The following NAE1 variants were observed in gnomAD, a reference collection of about 807,000 sequenced individuals.
NAE1 encodes NEDD8-activating enzyme E1 regulatory subunit.
In NAE1, 59 loss-of-function variants were observed where a neutral mutation model predicts 88.0. The observed-to-expected ratio is 0.67, with a 90% CI of 0.54 to 0.83. The LOEUF (loss-of-function observed/expected upper bound fraction) is 0.83. Ranked by LOEUF, NAE1 falls within the 40% of genes least tolerant of loss-of-function variation. The pLI, the probability that NAE1 is intolerant of heterozygous loss-of-function variation, is 0.00. For missense variants in NAE1, 554 were observed against 632.8 expected, an observed-to-expected ratio of 0.88 and a Z score of 1.34; for synonymous variants, 186 against 208.9, an observed-to-expected ratio of 0.89 and a Z score of 0.95.
At position 66,813,829 on chromosome 16, in the gene NAE1, T is replaced by G; in HGVS notation, c.858A>C (p.Glu286Asp). 1.9e-6 allele frequency: 3 copies of G among 1,613,566 alleles called. No homozygotes were observed. Among genetic ancestry groups the G allele is most frequent in the Non-Finnish European group, 2.5e-6 (3 of 1,179,664 alleles). The change falls in exon 12 of 20, where the codon GAA (glutamate) becomes GAC (aspartate). Residue 286 changes from glutamate to aspartate, a missense_variant. Physicochemically the swap from Glu to Asp is conservative, Grantham distance 45. Coordinates refer to ENST00000290810, the MANE Select transcript of NAE1 (RefSeq NM_003905.4). ...LNTTQIPSSI[E>D]DIFNDDRCIN... ...TGCAGCGATCATCATTAAATATATC[T>G]TCAATACTGCTTGGGATCTAACAAA...
chr16:66,819,374 T>C (rs1196587397), intron 7 of NAE1, among the ~76,000 whole-genome samples: 3 of 152,216 alleles, frequency 2.0e-5, no homozygotes, highest in Non-Finnish European at 4.4e-5. Context: ...AATCTCACTC[T>C]GTACACTGCT....
intron 7 of NAE1, among the ~76,000 whole-genome samples, chr16:66,821,203 T>C (rs1055419717): frequency 6.6e-6 from 1 of 152,230 alleles, no homozygotes; most frequent in African/African-American, 2.4e-5. Context: ...GGTACTTGCA[T>C]AGTTGCTGGA....
Position 66,805,783 on chromosome 16 carries a change from A to G in NAE1, c.1489T>C (p.Leu497=). 1 of 1,499,584 alleles carries G rather than the reference A, an allele frequency of 6.7e-7. No individual in the cohort carries two copies. The highest frequency in any genetic ancestry group is 8.9e-7 in the Non-Finnish European group (1 of 1,129,490). 92.9% of individuals were successfully genotyped at this position (1,499,584 alleles called of 1,614,324 possible). A position where few individuals can be genotyped will look rare whatever the true frequency, so the allele number is the denominator to read the frequency against. Reference sequence around the variant, plus strand: ...TCTCATATATGGAACTCACCCCCCAAGAATGCAGCAATGGTATGTGGCTCA... The same window carrying G: ...TCTCATATATGGAACTCACCCCCCAGGAATGCAGCAATGGTATGTGGCTCA... ...AAEPHTIAAF[L]GGAAAQEVIK... Residue 497 remains leucine (L), a synonymous_variant, in exon 19 of 20, where the codon TTG becomes CTG. Coordinates refer to ENST00000290810, the MANE Select transcript of NAE1 (RefSeq NM_003905.4).
At chr16:66,816,464 ATTTC>A in intron 11 of NAE1, 113 bp downstream of exon 11, 1 of 821,354 alleles carries the variant, frequency 1.2e-6, no homozygotes, top group South Asian at 1.5e-5. Flanking sequence ...CCCTGTATTT[ATTTC>A]TAACTATACA....
intron 13 of NAE1, 61 bp from the exon 14 acceptor site, chr16:66,810,833 AC>A (rs138689562): frequency 0.089 from 130,014 of 1,468,326 alleles, 12,264 homozygotes; most frequent in African/African-American, 0.49. Flanking sequence ...TTAAATTGTT[AC>A]CATGAACAAA....
Position 66,803,021 on chromosome 16 carries a change from A to G in NAE1, c.1593T>C (p.Thr531=). Residue 531 remains threonine (T), a synonymous_variant, in exon 20 of 20, where the codon ACT becomes ACC. Coordinates refer to ENST00000290810, the MANE Select transcript of NAE1 (RefSeq NM_003905.4). The stretch of plus-strand genomic sequence containing the variant: ...GTGCTTGCTTACTCTACAACTGGAA[A>G]GTTGCTGAAGTTTGTGACATGCCAC... ...IYSGMSQTSA[T]FQL is the part of the protein sequence containing the mutation. The G allele has an allele frequency of 6.3e-7, 1 of 1,599,868 alleles. No individual in the cohort carries two copies. Among genetic ancestry groups the G allele is most frequent in the Non-Finnish European group, 8.6e-7 (1 of 1,167,304 alleles).
At chr16:66,821,752 A>G (rs1218085348) in intron 6 of NAE1, among the ~76,000 whole-genome samples, 193 bp from the exon 7 acceptor site, 1 of 152,238 alleles carries the variant, frequency 6.6e-6, no homozygotes, top group Non-Finnish European at 1.5e-5. Context: ...TGCAGTCTCA[A>G]AGAAAGTACA....
chr16:66,802,895 G>T lies in NAE1; in HGVS notation c.*114C>A. 1.5e-6 allele frequency: 1 copy of T among 688,198 alleles called. No homozygotes were observed. Among genetic ancestry groups the T allele is most frequent in the Non-Finnish European group, 2.5e-6 (1 of 393,796 alleles). The allele number at this position is 688,198 out of a possible 1,614,324, so 42.6% of individuals were successfully genotyped here. A position where few individuals can be genotyped will look rare whatever the true frequency, so the allele number is the denominator to read the frequency against. Reference sequence around the variant, plus strand: ...CTACATTATTACAAATGAGAAAAATGTTTATTAAGAAAACAATTTAGCAGC... The same window carrying T: ...CTACATTATTACAAATGAGAAAAATTTTTATTAAGAAAACAATTTAGCAGC... On this transcript the variant is annotated 3_prime_UTR_variant, in exon 20 of 20. Transcript: ENST00000290810.
intron 6 of NAE1, among the ~76,000 whole-genome samples, chr16:66,822,827 G>A (rs1350902194): frequency 1.1e-4 from 16 of 149,616 alleles, no homozygotes; most frequent in East Asian, 2.0e-4. Flanking sequence ...GAGCCACCAC[G>A]CCCAGCTAAT....
intron 13 of NAE1, among the ~76,000 whole-genome samples, chr16:66,812,510 GTTCTT>G (rs1959844250): frequency 7.4e-6 from 1 of 135,612 alleles, no homozygotes; most frequent in South Asian, 2.4e-4. Context: ...TGCCCCCTAA[GTTCTT>G]TTTTTTTTTT....
intron 13 of NAE1, 153 bp downstream of exon 13, chr16:66,813,411 G>A (rs759050946): frequency 3.3e-6 from 3 of 922,352 alleles, no homozygotes; most frequent in Non-Finnish European, 4.7e-6. Flanking sequence ...AAAGTGTTGG[G>A]ATTACAGGCA....
At chr16:66,812,499 T>C (rs1959842930) in intron 13 of NAE1, among the ~76,000 whole-genome samples, 2 of 151,582 alleles carry the variant, frequency 1.3e-5, no homozygotes, top group Admixed American at 6.6e-5. Flanking sequence ...TTAACAAGAA[T>C]TGCCCCCTAA....
intron 4 of NAE1, 86 bp from the exon 5 acceptor site, chr16:66,823,686 T>C (rs1960355656): frequency 2.9e-6 from 3 of 1,017,622 alleles, no homozygotes; most frequent in Middle Eastern, 2.1e-4. Flanking sequence ...GCAAACATAC[T>C]GTAAAACTAT....
In NAE1 at chr16:66,825,522, A is replaced by C. The variant is rs181824486; in HGVS notation, c.219-637T>G. On this transcript the variant is annotated intron_variant, in intron 3 of 19. Transcript: ENST00000290810. ...TGGAAATTCATAATACACATAATAC[A>C]TGTGATACTAAAATCTTATGGTAAA... is the stretch of plus-strand genomic sequence containing the variant. 1.8e-4 allele frequency among the ~76,000 whole-genome samples: 28 copies of C among 152,184 alleles called. No homozygotes were observed. In the East Asian group the frequency reaches 2.3e-3, roughly 13 times the overall value.
intron 17 of NAE1, among the ~76,000 whole-genome samples, chr16:66,807,867 C>A (rs1959634086): frequency 6.6e-6 from 1 of 151,848 alleles, no homozygotes; most frequent in Admixed American, 6.6e-5. Context: ...AAAGAAATTC[C>A]TACATCTTCA....
At chr16:66,825,548 G>T (rs1199794360) in intron 3 of NAE1, among the ~76,000 whole-genome samples, 1 of 151,566 alleles carries the variant, frequency 6.6e-6, no homozygotes, top group Admixed American at 6.6e-5. Context: ...TTATGGTAAA[G>T]AAATTTTTAC....
At chr16:66,826,234 G>A (rs931130311) in intron 3 of NAE1, 15 of 383,038 alleles carry the variant, frequency 3.9e-5, no homozygotes, top group South Asian at 9.8e-5. Context: ...TAACACCTAC[G>A]GATCAATACA....
At position 66,830,914 on chromosome 16, in the gene NAE1, C is replaced by A; in HGVS notation, c.-15G>T. On this transcript the variant is annotated 5_prime_UTR_variant, in exon 1 of 20. Transcript: ENST00000290810. ...AGCTGCGCCATGGCCGCGCCTGCCG[C>A]GCGGAAAACAGCCGAGCCCCTGCGG... is the stretch of plus-strand genomic sequence containing the variant. 1 of 1,531,350 alleles carries A rather than the reference C, an allele frequency of 6.5e-7. No homozygotes were observed. The highest frequency in any genetic ancestry group is 2.6e-5 in the East Asian group (1 of 37,812). The allele number at this position is 1,531,350 out of a possible 1,614,324, so 94.9% of individuals were successfully genotyped here. A position where few individuals can be genotyped will look rare whatever the true frequency, so the allele number is the denominator to read the frequency against.
At chr16:66,814,148 C>G (rs1370358683) in intron 11 of NAE1, among the ~76,000 whole-genome samples, 2 of 152,066 alleles carry the variant, frequency 1.3e-5, no homozygotes, top group Non-Finnish European at 2.9e-5. Context: ...GAAGACAAAA[C>G]AGATTATAGA....
Sources: allele counts gnomAD v4.1 joint callset (sites outside exome capture counted in the v4.1 genomes callset), GRCh38; gene constraint gnomAD v4.1.1; transcripts MANE v1.5; gene names NCBI Gene and HGNC (gene_info 2026-07-23, HGNC 2026-07-21).